The following ZNF718 variants were observed in gnomAD, a reference collection of about 807,000 sequenced individuals.
The protein encoded by ZNF718 is zinc finger protein 718.
ZNF718 carries 3 observed loss-of-function variants against 2.6 expected under a neutral mutation model. That is an observed-to-expected ratio of 1.16 (90% CI 0.53 to 3.01). ZNF718 has a LOEUF of 3.01. Among genes scored for constraint, ZNF718 ranks in the 30% most tolerant of loss-of-function variants. The pLI is 0.03. For synonymous variants in ZNF718, 135 were observed against 77.9 expected (o/e 1.73, Z -3.86); for missense variants, 468 against 230.0 (o/e 2.03, Z -6.69).
At chr4:173,477 A>AGACAAGACTT (rs1717281667) in intron 3 of ZNF718, among the ~76,000 whole-genome samples, 1 of 152,232 alleles carries the variant, frequency 6.6e-6, no homozygotes. Context: ...TCAGCTCAGC[A>AGACAAGACTT]GTCAGAGCTC....
At chr4:133,213 T>A (rs1370235637) in intron 3 of ZNF718, among the ~76,000 whole-genome samples, 2 of 24,410 alleles carry the variant, frequency 8.2e-5, no homozygotes, top group African/African-American at 1.9e-4. Context: ...TATATATATA[T>A]ATATATATAT....
chr4:182,820 AT>A (rs1717494736), intron 3 of ZNF718, among the ~76,000 whole-genome samples: 1 of 152,064 alleles, frequency 6.6e-6, no homozygotes. Context: ...GTGTCTGTTA[AT>A]ATCCTTTGCC....
At chr4:168,487 T>A (rs1295689703), downstream of ZNF718, among the ~76,000 whole-genome samples, 1 of 152,024 alleles carries the variant, frequency 6.6e-6, no homozygotes. Flanking sequence ...GTGCTGGACT[T>A]TTTTTTGGTT....
chr4:124,820 C>A, intron 1 of ZNF718, 147 bp downstream of exon 1: 3 of 1,088,556 alleles, frequency 2.8e-6, no homozygotes, highest in Non-Finnish European at 4.0e-6. Flanking sequence ...GCGCTCTTGT[C>A]AGTCCCCGTA....
At chr4:166,866 T>C (rs1553816963), downstream of ZNF718, among the ~76,000 whole-genome samples, 1 of 151,770 alleles carries the variant, frequency 6.6e-6, no homozygotes, top group African/African-American at 2.4e-5. Context: ...TTAGATCCCA[T>C]TTGTCAATTT....
At chr4:142,159 C>G (rs1715840205) in intron 3 of ZNF718, 1 of 411,218 alleles carries the variant, frequency 2.4e-6, no homozygotes, top group Admixed American at 2.6e-5. Context: ...TGAGGTGAAG[C>G]TAACCAGGGA....
chr4:181,020 T>G (rs76589717), intron 3 of ZNF718, among the ~76,000 whole-genome samples: 9,873 of 152,150 alleles, frequency 0.065, 899 homozygotes, highest in African/African-American at 0.2. Context: ...CATGAAGTAG[T>G]ATTCTTTATT....
chr4:174,609 A>G (rs1174216196), intron 3 of ZNF718, among the ~76,000 whole-genome samples: 1 of 152,142 alleles, frequency 6.6e-6, no homozygotes, highest in African/African-American at 2.4e-5. Flanking sequence ...GCAACAAGAA[A>G]CCTAGCTAAC....
rs1553815370 is a variant in ZNF718 at position 161,800 on chromosome 4, G to C, written c.1115G>C (p.Cys372Ser). ...TGEKPYTCEE[C>S]GKAFNWSSTL... is the part of the protein sequence containing the mutation. ...GAGAAACCCTACACATGTGAAGAAT[G>C]TGGAAAAGCCTTTAATTGGTCCTCA... The change falls in exon 4 of 4, where the codon TGT becomes TCT. Residue 372 changes from cysteine (C) to serine (S), a missense_variant. Coordinates refer to ENST00000510175, the MANE Select transcript of ZNF718 (RefSeq NM_001039127.6). 2.6e-6 allele frequency: 2 copies of C among 780,860 alleles called. No homozygotes were observed. The highest frequency in any genetic ancestry group is 4.8e-6 in the Non-Finnish European group (2 of 418,024). 48.4% of individuals were successfully genotyped at this position (780,860 alleles called of 1,614,324 possible). A position where few individuals can be genotyped will look rare whatever the true frequency, so the allele number is the denominator to read the frequency against.
At chr4:193,375 A>G (rs1553821519) in intron 3 of ZNF718, among the ~76,000 whole-genome samples, 1 of 152,090 alleles carries the variant, frequency 6.6e-6, no homozygotes, top group East Asian at 1.9e-4. Context: ...GAAGTTAGGA[A>G]TTCCCTTTCT....
intron 3 of ZNF718, among the ~76,000 whole-genome samples, chr4:171,388 A>C (rs1450824058): frequency 6.6e-6 from 1 of 152,080 alleles, no homozygotes; most frequent in Non-Finnish European, 1.5e-5. Flanking sequence ...AGGGACGTTT[A>C]AGTCTGCAGA....
chr4:173,855 G>A (rs1253594216), intron 3 of ZNF718, among the ~76,000 whole-genome samples: 4 of 152,150 alleles, frequency 2.6e-5, no homozygotes, highest in African/African-American at 9.7e-5. Flanking sequence ...ACCTAACAGT[G>A]CAGCTAGGGG....
chr4:188,465 C>G (rs1553820700), intron 3 of ZNF718, among the ~76,000 whole-genome samples: 1 of 152,154 alleles, frequency 6.6e-6, no homozygotes, highest in African/African-American at 2.4e-5. Context: ...GCCAGTGGGT[C>G]TTATCATATG....
intron 1 of ZNF718, among the ~76,000 whole-genome samples, chr4:126,852 A>G (rs541117304): frequency 5.4e-4 from 80 of 147,814 alleles, no homozygotes; most frequent in Admixed American, 2.5e-3. Context: ...TTTAAGACGG[A>G]GTCTTCGCTG....
intron 3 of ZNF718, among the ~76,000 whole-genome samples, chr4:184,436 C>A (rs1235319154): frequency 6.6e-6 from 1 of 152,060 alleles, no homozygotes; most frequent in African/African-American, 2.4e-5. Context: ...ATTTTTGCAT[C>A]CATGTTTATC....
In ZNF718 at chr4:134,365, C is replaced by A. The variant is rs191223681; in HGVS notation, c.226+2860C>A. Among the ~76,000 whole-genome samples, 930 of 152,234 alleles carry A rather than the reference C, an allele frequency of 6.1e-3. 10 individuals carry two copies. The highest frequency in any genetic ancestry group is 0.021 in the African/African-American group (870 of 41,536). On this transcript the variant is annotated intron_variant, in intron 3 of 3. Coordinates refer to ENST00000510175, the MANE Select transcript of ZNF718 (RefSeq NM_001039127.6). Reference sequence around the variant, plus strand: ...GTTTCACCATGTTAGCCAGGATGGTCTCTATCTGACCTCGTGATCTGCCCA... The same window carrying A: ...GTTTCACCATGTTAGCCAGGATGGTATCTATCTGACCTCGTGATCTGCCCA...
rs377315159 is a variant in ZNF718 at position 161,898 on chromosome 4, A to C, written c.1213A>C (p.Lys405Gln). Reference protein sequence around the residue: ...YKCEDCGKAFKVFANLHNHKK... With the variant: ...YKCEDCGKAFQVFANLHNHKK... ...ATGTGAAGATTGTGGCAAAGCCTTT[A>C]AAGTGTTTGCAAACCTGCATAATCA... The change falls in exon 4 of 4, where the codon AAA (lysine) becomes CAA (glutamine). Residue 405 changes from lysine to glutamine, a missense_variant. Coordinates refer to ENST00000510175, the MANE Select transcript of ZNF718 (RefSeq NM_001039127.6). The C allele has an allele frequency of 7.7e-6, 6 of 780,284 alleles. No homozygotes were observed. The Admixed American group carries it at 8.5e-5, about 11-fold the overall frequency. The allele number at this position is 780,284 out of a possible 1,614,324, so 48.3% of individuals were successfully genotyped here.
intron 3 of ZNF718, among the ~76,000 whole-genome samples, chr4:156,072 C>A (rs1716555507): frequency 6.6e-6 from 1 of 152,132 alleles, no homozygotes; most frequent in South Asian, 2.1e-4. Context: ...CTTTGTACCT[C>A]CCACAATGAT....
rs185729390 is a variant in ZNF718, at chr4:195,262, T to C, written c.227-5819T>C. Among the ~76,000 whole-genome samples, 3 of 152,334 alleles carry C rather than the reference T, an allele frequency of 2.0e-5. No homozygotes were observed. The East Asian group carries it at 5.8e-4, about 29-fold the overall frequency. On this transcript the variant is annotated intron_variant and NMD_transcript_variant, in intron 3 of 4. Coordinates refer to the ZNF718 transcript ENST00000642529. The stretch of plus-strand genomic sequence containing the variant: ...TTCTGTAAGTACTTTAAGGCTTGGC[T>C]GAGTGCAAACAGCTCACACGTTTGG...
Sources: gnomAD v4.1 joint callset for allele counts (sites outside exome capture counted in the v4.1 genomes callset) on GRCh38, gnomAD v4.1.1 for gene constraint, MANE v1.5 for transcripts, NCBI Gene and HGNC (gene_info 2026-07-23, HGNC 2026-07-21) for gene names.